Variants in AP1M1 observed in about 807,000 individuals in gnomAD.
The protein encoded by AP1M1 is AP-1 complex subunit mu-1.
In AP1M1, 18 loss-of-function variants were observed where a neutral mutation model predicts 57.1. The ratio of observed to expected loss-of-function variants is 0.32; its 90% confidence interval spans 0.22 to 0.47. AP1M1 has a LOEUF of 0.47. Ranked by LOEUF, AP1M1 falls within the 20% of genes least tolerant of loss-of-function variation. The probability of loss-of-function intolerance (pLI) is 1.00; values close to 1 mark genes in which losing one functional copy is unlikely to be tolerated. For synonymous variants in AP1M1, 241 were observed against 237.9 expected (o/e 1.01, Z -0.12); for missense variants, 362 against 593.5 (o/e 0.61, Z 4.05).
intron 5 of AP1M1, among the ~76,000 whole-genome samples, chr19:16,217,222 G>C (rs2091522720): frequency 6.6e-6 from 1 of 152,198 alleles, no homozygotes. Context: ...GGGAGGCCCA[G>C]CATAGGTGGG....
rs1230240558 is a variant in AP1M1 at position 16,239,655 on chromosome 19, C to T, written c.*5220C>T. On this transcript the variant is annotated 3_prime_UTR_variant, in exon 12 of 12. Transcript: ENST00000291439. ...AAAGAATTAGCTGGGCGTAGTGGCT[C>T]ATACCTGTAATCCCAGCTACTCAGG... 6.6e-6 allele frequency: 1 copy of T among 151,894 alleles called. No homozygotes were observed. The highest frequency in any genetic ancestry group is 1.5e-5 in the Non-Finnish European group (1 of 67,984). 9.4% of individuals were successfully genotyped at this position (151,894 alleles called of 1,614,324 possible).
In AP1M1 at chr19:16,245,782, T is replaced by A. The variant is rs2091662667; in HGVS notation, c.*11347T>A. 1 of 152,196 alleles carries A rather than the reference T, an allele frequency of 6.6e-6. No individual in the cohort carries two copies. The highest frequency in any genetic ancestry group is 2.1e-4 in the South Asian group (1 of 4,836). The allele number at this position is 152,196 out of a possible 1,614,324, so 9.4% of individuals were successfully genotyped here. ...TTTTTGTCCTTTCTATGTTCTCTTT[T>A]ATGTCCTCTCTGGATTTATTACAGA... On this transcript the variant is annotated 3_prime_UTR_variant, in exon 12 of 12. Transcript: ENST00000291439.
At chr19:16,208,178 C>A in intron 4 of AP1M1, 29 bp downstream of exon 4, 1 of 1,585,870 alleles carries the variant, frequency 6.3e-7, no homozygotes, top group Non-Finnish European at 8.6e-7. Flanking sequence ...GGCCTGGGGC[C>A]AGGCCTGGGC....
At chr19:16,223,548 C>T (rs960145863) in intron 5 of AP1M1, among the ~76,000 whole-genome samples, 1 of 152,244 alleles carries the variant, frequency 6.6e-6, no homozygotes, top group Non-Finnish European at 1.5e-5. Context: ...GGAACAGTAG[C>T]TGGCACCACA....
chr19:16,204,501 G>A (rs1233122154), intron 2 of AP1M1, among the ~76,000 whole-genome samples: 1 of 152,274 alleles, frequency 6.6e-6, no homozygotes, highest in Non-Finnish European at 1.5e-5. Context: ...AGGACCATTC[G>A]GGTCAGTTGA....
rs143405159 is a variant in AP1M1, at chr19:16,228,834, A to G, written c.953A>G (p.Asn318Ser). ...NNVEIHIPVP[N>S]DADSPKFKTT... ...GTGGAGATCCACATTCCCGTGCCCA[A>G]TGATGCCGACTCACCCAAGTTCAAG... The change falls in exon 9 of 12, where the codon AAT (asparagine) becomes AGT (serine). Residue 318 changes from asparagine to serine, a missense_variant. Asn to Ser is a conservative substitution (Grantham distance 46, BLOSUM62 1). Coordinates refer to ENST00000291439, the MANE Select transcript of AP1M1 (RefSeq NM_032493.4). This position sits in a 1 kb window ranked among gnomAD's most constrained non-coding sequence, Gnocchi z 5.0. 3.3e-5 allele frequency: 53 copies of G among 1,614,030 alleles called. No homozygotes were observed. Among genetic ancestry groups the G allele is most frequent in the African/African-American group, 6.7e-5 (5 of 74,904 alleles).
chr19:16,201,518 C>T (rs1366525906), intron 1 of AP1M1, among the ~76,000 whole-genome samples: 1 of 146,892 alleles, frequency 6.8e-6, no homozygotes, highest in East Asian at 2.0e-4. Context: ...CCTGCCTCAG[C>T]CTCCCAAGTA....
chr19:16,207,937 T>C lies in AP1M1; in HGVS notation c.268-82T>C, dbSNP rs2091476179. ...TGGTAGGACTTAGCGGGCAAATGAA[T>C]GTGTGCAAGCGTTCATTCATTCCTC... On this transcript the variant is annotated intron_variant, in intron 3 of 11. Transcript: ENST00000291439. This position sits in a 1 kb window ranked among gnomAD's most constrained non-coding sequence, Gnocchi z 4.2. 6.7e-7 allele frequency: 1 copy of C among 1,502,054 alleles called. No homozygotes were observed. Among genetic ancestry groups the C allele is most frequent in the Non-Finnish European group, 9.0e-7 (1 of 1,109,720 alleles). The allele number at this position is 1,502,054 out of a possible 1,614,324, so 93.0% of individuals were successfully genotyped here. A position where few individuals can be genotyped will look rare whatever the true frequency, so the allele number is the denominator to read the frequency against.
chr19:16,217,129 G>A (rs1194345559), intron 5 of AP1M1, among the ~76,000 whole-genome samples: 2 of 152,188 alleles, frequency 1.3e-5, no homozygotes, highest in African/African-American at 4.8e-5. Flanking sequence ...GACTGTGTGT[G>A]CCCTTTGTGC....
rs1599469584 is a variant in AP1M1 at position 16,235,918 on chromosome 19, C to T, written c.*1483C>T. On this transcript the variant is annotated 3_prime_UTR_variant, in exon 12 of 12. Transcript: ENST00000291439. The stretch of plus-strand genomic sequence containing the variant: ...ACCCTCTTGCCTTCATTCTCCCCCT[C>T]CCTCTCCTGTCTTGCCGAGCTCGTC... 1.3e-5 allele frequency: 2 copies of T among 152,436 alleles called. No homozygotes were observed. The highest frequency in any genetic ancestry group is 2.1e-4 in the South Asian group (1 of 4,840). The allele number at this position is 152,436 out of a possible 1,614,324, so 9.4% of individuals were successfully genotyped here.
intron 5 of AP1M1, among the ~76,000 whole-genome samples, chr19:16,215,881 C>T (rs913239151): frequency 6.6e-6 from 1 of 152,074 alleles, no homozygotes; most frequent in Non-Finnish European, 1.5e-5. Flanking sequence ...TATTTTTTCT[C>T]TATTCTCATC....
chr19:16,243,422 C>T lies in AP1M1; in HGVS notation c.*8987C>T, dbSNP rs2091652043. ...TAGCTGGGATTACAGGTGAGCACCA[C>T]CAAGCTCAGCTATTTTTTTTTTTTT... On this transcript the variant is annotated 3_prime_UTR_variant, in exon 12 of 12. Coordinates refer to ENST00000291439, the MANE Select transcript of AP1M1 (RefSeq NM_032493.4). 7.3e-6 allele frequency: 1 copy of T among 136,814 alleles called. No individual in the cohort carries two copies. Among genetic ancestry groups the T allele is most frequent in the Non-Finnish European group, 1.6e-5 (1 of 64,394 alleles). The allele number at this position is 136,814 out of a possible 1,614,324, so 8.5% of individuals were successfully genotyped here.
rs367873999 is a variant in AP1M1, at chr19:16,209,015, C to T, written c.399-15C>T. 42 of 1,610,556 alleles carry T rather than the reference C, an allele frequency of 2.6e-5. No individual in the cohort carries two copies. Among genetic ancestry groups the T allele is most frequent in the South Asian group, 2.2e-4 (20 of 90,898 alleles). Reference sequence around the variant, plus strand: ...CGGGTACCACCTCCTTCACTCTGAGCGTGTGGCCCCACAGGTACATCACTC... The same window carrying T: ...CGGGTACCACCTCCTTCACTCTGAGTGTGTGGCCCCACAGGTACATCACTC... On this transcript the variant is annotated splice_polypyrimidine_tract_variant and intron_variant, in intron 4 of 11. Coordinates refer to ENST00000291439, the MANE Select transcript of AP1M1 (RefSeq NM_032493.4).
At chr19:16,220,506 T>A (rs996623981) in intron 5 of AP1M1, among the ~76,000 whole-genome samples, 1 of 152,052 alleles carries the variant, frequency 6.6e-6, no homozygotes, top group African/African-American at 2.4e-5. Flanking sequence ...TTCTCCAGCC[T>A]CAGCCTCCCA....
At chr19:16,209,338 C>CTTT in intron 5 of AP1M1, 161 bp downstream of exon 5, 1 of 712,660 alleles carries the variant, frequency 1.4e-6, no homozygotes. Flanking sequence ...TTTGTCTTAT[C>CTTT]TTTTTTTTTT....
chr19:16,216,077 T>G (rs2091517864), intron 5 of AP1M1, among the ~76,000 whole-genome samples: 2 of 152,220 alleles, frequency 1.3e-5, no homozygotes, highest in African/African-American at 4.8e-5. Context: ...ATTGTTTTAT[T>G]ATAATTCTTA....
intron 5 of AP1M1, among the ~76,000 whole-genome samples, chr19:16,224,539 A>T (rs2091562004): frequency 6.6e-6 from 1 of 152,204 alleles, no homozygotes; most frequent in Non-Finnish European, 1.5e-5. Context: ...GCATCCCTTC[A>T]GCACCCGCCC....
At chr19:16,205,170 A>T (rs2145115389) in intron 2 of AP1M1, among the ~76,000 whole-genome samples, 1 of 152,176 alleles carries the variant, frequency 6.6e-6, no homozygotes, top group South Asian at 2.1e-4. Flanking sequence ...CAGTCCTCTG[A>T]AGCCGCCCAG....
At chr19:16,219,815 T>G (rs1406511904) in intron 5 of AP1M1, among the ~76,000 whole-genome samples, 1 of 152,232 alleles carries the variant, frequency 6.6e-6, no homozygotes, top group Non-Finnish European at 1.5e-5. Flanking sequence ...ACCTGTCACA[T>G]GAAGTTGGGT....
Sources: allele counts gnomAD v4.1 joint callset (sites outside exome capture counted in the v4.1 genomes callset), GRCh38; gene constraint gnomAD v4.1.1; non-coding constraint Gnocchi (gnomAD v3.1); transcripts MANE v1.5; gene names NCBI Gene and HGNC (gene_info 2026-07-23, HGNC 2026-07-21).